EIF3K: variants seen among roughly 807,000 people sequenced by gnomAD.
The protein encoded by EIF3K is eukaryotic translation initiation factor 3 subunit K.
EIF3K carries 27 observed loss-of-function variants against 34.2 expected under a neutral mutation model. That is an observed-to-expected ratio of 0.79 (90% confidence interval 0.58 to 1.09). The LOEUF is 1.09. Ranked by LOEUF, EIF3K falls within the 50% of genes least tolerant of loss-of-function variation. The pLI, the probability that EIF3K is intolerant of heterozygous loss-of-function variation, is 0.00. For synonymous variants in EIF3K, 105 were observed against 105.7 expected (o/e 0.99, Z 0.04); for missense variants, 232 against 275.4 (o/e 0.84, Z 1.11).
intron 4 of EIF3K, among the ~76,000 whole-genome samples, chr19:38,627,607 C>T (rs973534849): frequency 1.3e-5 from 2 of 151,614 alleles, no homozygotes; most frequent in Non-Finnish European, 2.9e-5. Flanking sequence ...CAACCTCACC[C>T]AGAGGTTATG....
chr19:38,624,058 C>G lies in EIF3K; in HGVS notation c.159-19C>G, dbSNP rs774656754. 73 of 1,613,864 alleles carry G rather than the reference C, an allele frequency of 4.5e-5. No individual in the cohort carries two copies. Among genetic ancestry groups the G allele is most frequent in the Non-Finnish European group, 5.9e-5 (70 of 1,179,932 alleles). ...CTTGGAGGTGCCACTGTGGCCACGT[C>G]TCTTGTTCTTTTTCTTAGGTACCAG... On this transcript the variant is annotated intron_variant, in intron 2 of 7. Transcript: ENST00000248342.
In EIF3K at chr19:38,624,117, G is replaced by T. The variant is rs763050430; in HGVS notation, c.199G>T (p.Ala67Ser). ...NPAFFQTTVT[A>S]QILLKALTNL... ...AGCCTTCTTTCAGACCACGGTCACC[G>T]CCCAGATCCTGCTGAAGGCCCTCAC... is the stretch of plus-strand genomic sequence containing the variant. The change falls in exon 3 of 8, where the codon GCC becomes TCC. Residue 67 changes from alanine to serine, a missense_variant. Coordinates refer to ENST00000248342, the MANE Select transcript of EIF3K (RefSeq NM_013234.4). 2 of 1,614,096 alleles carry T rather than the reference G, an allele frequency of 1.2e-6. No homozygotes were observed. Among genetic ancestry groups the T allele is most frequent in the Non-Finnish European group, 1.7e-6 (2 of 1,180,010 alleles).
chr19:38,624,737 C>CA (rs796560133), intron 3 of EIF3K, among the ~76,000 whole-genome samples: 138 of 138,496 alleles, frequency 1.0e-3, no homozygotes, highest in African/African-American at 2.3e-3. Flanking sequence ...GACTCTGTCT[C>CA]AAAAAAAAAA....
At chr19:38,620,940 G>T (rs1275546733) in intron 2 of EIF3K, among the ~76,000 whole-genome samples, 2 of 152,002 alleles carry the variant, frequency 1.3e-5, no homozygotes, top group Non-Finnish European at 2.9e-5. Context: ...AGGGGCTCAT[G>T]CCTGTAATCC....
intron 2 of EIF3K, 146 bp from the exon 3 acceptor site, chr19:38,623,931 T>C: frequency 2.3e-6 from 3 of 1,293,040 alleles, no homozygotes; most frequent in Non-Finnish European, 3.2e-6. Flanking sequence ...AGGTGAAGGT[T>C]ACACAGCTGG....
intron 4 of EIF3K, among the ~76,000 whole-genome samples, chr19:38,627,258 T>C (rs923507599): frequency 1.3e-4 from 19 of 151,874 alleles, no homozygotes; most frequent in Admixed American, 5.9e-4. Context: ...AGTGCTGGGA[T>C]TATAGGCGTG....
rs926349741 is a variant in EIF3K, at chr19:38,634,764, G to A, written c.500-229G>A. ...ATAGAAATTAAGGCAGAAGCCCCAC[G>A]ATGAGGCTGAAAGAGCTCACAGGCT... On this transcript the variant is annotated intron_variant, in intron 6 of 7. Transcript: ENST00000248342. Among the ~76,000 whole-genome samples, 5 of 152,156 alleles carry A rather than the reference G, an allele frequency of 3.3e-5. No homozygotes were observed. In the South Asian group the frequency reaches 6.2e-4, roughly 19 times the overall value.
intron 1 of EIF3K, 148 bp downstream of exon 1, chr19:38,619,475 C>A: frequency 1.1e-6 from 1 of 911,076 alleles, no homozygotes; most frequent in Non-Finnish European, 1.7e-6. Flanking sequence ...AAAGAAACGG[C>A]ACTGAGCTGG....
chr19:38,619,511 T>C (rs1309721358), intron 1 of EIF3K, among the ~76,000 whole-genome samples, 184 bp downstream of exon 1: 2 of 152,098 alleles, frequency 1.3e-5, no homozygotes, highest in African/African-American at 2.4e-5. Flanking sequence ...CCTGTGATCC[T>C]AGCACTTTGG....
At chr19:38,629,430 G>C (rs2471411) in intron 4 of EIF3K, among the ~76,000 whole-genome samples, 3 of 152,200 alleles carry the variant, frequency 2.0e-5, no homozygotes, top group Non-Finnish European at 4.4e-5. Context: ...GAGTAGCTGG[G>C]ACTAACAGGC....
intron 3 of EIF3K, 43 bp from the exon 4 acceptor site, chr19:38,625,985 T>G: frequency 6.3e-7 from 1 of 1,599,092 alleles, no homozygotes; most frequent in Non-Finnish European, 8.6e-7. Flanking sequence ...GGGTCCAACC[T>G]TACGCTCCGA....
rs1199441671 is a variant in EIF3K, at chr19:38,624,157, C to T, written c.239C>T (p.Thr80Ile). The T allele has an allele frequency of 1.2e-6, 2 of 1,614,216 alleles. No homozygotes were observed. Among genetic ancestry groups the T allele is most frequent in the African/African-American group, 1.3e-5 (1 of 75,050 alleles). Reference protein sequence around the residue: ...LLKALTNLPHTDFTLCKCMID... With the variant: ...LLKALTNLPHIDFTLCKCMID... ...AAGGCCCTCACCAACTTGCCGCACACAGACTTCACCCTGTGCAAGTGCATG... is the reference window on the plus strand; with the variant it reads ...AAGGCCCTCACCAACTTGCCGCACATAGACTTCACCCTGTGCAAGTGCATG... The change falls in exon 3 of 8, where the codon ACA (threonine) becomes ATA (isoleucine). Residue 80 changes from threonine to isoleucine, a missense_variant. Coordinates refer to ENST00000248342, the MANE Select transcript of EIF3K (RefSeq NM_013234.4).
intron 6 of EIF3K, 140 bp from the exon 7 acceptor site, chr19:38,634,853 C>A: frequency 8.1e-7 from 1 of 1,240,088 alleles, no homozygotes; most frequent in Non-Finnish European, 1.1e-6. Context: ...GGAGACCAGG[C>A]CAGCTGCTGC....
At chr19:38,628,793 C>T (rs1461702140) in intron 4 of EIF3K, among the ~76,000 whole-genome samples, 2 of 151,926 alleles carry the variant, frequency 1.3e-5, no homozygotes. Context: ...CATTGCACTC[C>T]AGTCTGAAAA....
intron 3 of EIF3K, among the ~76,000 whole-genome samples, chr19:38,625,138 T>G (rs537692301): frequency 7.3e-5 from 11 of 149,832 alleles, no homozygotes; most frequent in African/African-American, 2.2e-4. Flanking sequence ...TTAAGGTGGG[T>G]TTTTTTTTGT....
rs1975776839 is a variant in EIF3K at position 38,619,199 on chromosome 19, C to T, written c.-70C>T. On this transcript the variant is annotated 5_prime_UTR_variant, in exon 1 of 8. Transcript: ENST00000248342. The stretch of plus-strand genomic sequence containing the variant: ...TCCGTTTCCACCACCTCTTCCTGTT[C>T]CCGTCCTTGAGGACGCCGTGCCGGG... 3.2e-6 allele frequency: 5 copies of T among 1,561,092 alleles called. No individual in the cohort carries two copies. The highest frequency in any genetic ancestry group is 1.8e-6 in the Non-Finnish European group (2 of 1,137,442).
intron 4 of EIF3K, 144 bp from the exon 5 acceptor site, chr19:38,632,286 G>T: frequency 2.8e-6 from 2 of 723,756 alleles, no homozygotes; most frequent in South Asian, 3.6e-5. Context: ...AGCACTTTGG[G>T]GGGCTGAGGC....
In EIF3K at chr19:38,624,150, C is replaced by T. The variant is rs750097473; in HGVS notation, c.232C>T (p.Pro78Ser). 2 of 1,614,218 alleles carry T rather than the reference C, an allele frequency of 1.2e-6. No individual in the cohort carries two copies. Among genetic ancestry groups the T allele is most frequent in the Non-Finnish European group, 1.7e-6 (2 of 1,180,032 alleles). Residue 78 changes from proline (P) to serine (S), a missense_variant, in exon 3 of 8, where the codon CCG (proline) becomes TCG (serine). Transcript: ENST00000248342. Reference protein sequence around the residue: ...QILLKALTNLPHTDFTLCKCM... With the variant: ...QILLKALTNLSHTDFTLCKCM... ...CCTGCTGAAGGCCCTCACCAACTTG[C>T]CGCACACAGACTTCACCCTGTGCAA...
rs1400455963 is a variant in EIF3K at position 38,635,104 on chromosome 19, AGATTGACTTT to A, written c.614_623del (p.Ile205ThrfsTer21). 1 of 1,614,216 alleles carries A rather than the reference AGATTGACTTT, an allele frequency of 6.2e-7. No individual in the cohort carries two copies. ...ATTAAACCCAAGAACATTGTGGAGA[AGATTGACTTT>A]GACAGTGAGTGGTGACCCACGGCCT... is the stretch of plus-strand genomic sequence containing the variant. On this transcript the variant is annotated frameshift_variant, in exon 7 of 8. Transcript: ENST00000248342. LOFTEE classifies it high-confidence loss of function.
Sources: gnomAD v4.1 joint callset for allele counts (sites outside exome capture counted in the v4.1 genomes callset) on GRCh38, gnomAD v4.1.1 for gene constraint, MANE v1.5 for transcripts, NCBI Gene and HGNC (gene_info 2026-07-23, HGNC 2026-07-21) for gene names.